UBE4B: variants seen among roughly 807,000 people sequenced by gnomAD.
The protein encoded by UBE4B is ubiquitination factor E4B.
UBE4B carries 27 observed loss-of-function variants against 148.1 expected under a neutral mutation model. The ratio of observed to expected loss-of-function variants is 0.18; its 90% confidence interval spans 0.13 to 0.25. The LOEUF is 0.25. UBE4B is among the 10% of genes least tolerant of loss of function. UBE4B has a pLI of 1.00. For synonymous variants in UBE4B, 596 were observed against 619.3 expected (o/e 0.96, Z 0.56); for missense variants, 1,170 against 1,662.4 (o/e 0.70, Z 5.15).
intron 21 of UBE4B, among the ~76,000 whole-genome samples, chr1:10,154,723 T>C (rs2101995855): frequency 6.6e-6 from 1 of 152,042 alleles, no homozygotes; most frequent in Non-Finnish European, 1.5e-5. Context: ...ACACCTATAG[T>C]CCCAGCTTCT....
In UBE4B at chr1:10,155,084, A is replaced by T. The variant is rs12119603; in HGVS notation, c.2927-3272A>T. 9.4e-3 allele frequency among the ~76,000 whole-genome samples: 1,381 copies of T among 146,276 alleles called. 22 individuals carry two copies. The highest frequency in any genetic ancestry group is 0.028 in the African/African-American group (1,124 of 39,614). On this transcript the variant is annotated intron_variant, in intron 21 of 27. Transcript: ENST00000343090. ...CTTCAGGAGAGAGAGAGAGAGAGAG[A>T]GTGTGTGTGTGTGTGTGTGTGTGTG...
chr1:10,124,226 G>A (rs60413811), intron 10 of UBE4B, among the ~76,000 whole-genome samples: 4,008 of 150,220 alleles, frequency 0.027, 165 homozygotes, highest in African/African-American at 0.093. Flanking sequence ...CAGTGGCGCC[G>A]TCTCAGCTCA....
In UBE4B at chr1:10,180,014, G is replaced by C; in HGVS notation, c.*58G>C. ...GCCAAGGCCAACGAGGCAAGCAGAAGCAGCGGCCGCAGCGAAGCTGCCGTT... is the reference window on the plus strand; with the variant it reads ...GCCAAGGCCAACGAGGCAAGCAGAACCAGCGGCCGCAGCGAAGCTGCCGTT... On this transcript the variant is annotated 3_prime_UTR_variant, in exon 28 of 28. Transcript: ENST00000343090. The C allele has an allele frequency of 6.2e-7, 1 of 1,605,946 alleles. No individual in the cohort carries two copies. Among genetic ancestry groups the C allele is most frequent in the Non-Finnish European group, 8.5e-7 (1 of 1,175,454 alleles).
At chr1:10,173,790 G>A (rs1329027060) in intron 25 of UBE4B, among the ~76,000 whole-genome samples, 2 of 152,184 alleles carry the variant, frequency 1.3e-5, no homozygotes, top group African/African-American at 4.8e-5. Context: ...CCACATCACA[G>A]GCGCTTAACG....
chr1:10,171,466 C>A, intron 25 of UBE4B, 137 bp downstream of exon 25: 1 of 1,122,190 alleles, frequency 8.9e-7, no homozygotes, highest in Non-Finnish European at 1.3e-6. Context: ...CAGATTTGGG[C>A]TGGGCGCGGT....
chr1:10,136,936 T>C (rs1645695402), intron 16 of UBE4B, 131 bp from the exon 17 acceptor site: 2 of 1,047,440 alleles, frequency 1.9e-6, no homozygotes. Flanking sequence ...AATAAATAAA[T>C]AAATAAACAA....
intron 2 of UBE4B, among the ~76,000 whole-genome samples, chr1:10,090,234 C>A (rs536026488): frequency 6.6e-6 from 1 of 152,124 alleles, no homozygotes; most frequent in Non-Finnish European, 1.5e-5. Context: ...ACCCACCCCC[C>A]TCAGCTTCCT....
chr1:10,066,493 A>G (rs1382041163), intron 1 of UBE4B, among the ~76,000 whole-genome samples: 2 of 151,996 alleles, frequency 1.3e-5, no homozygotes, highest in Non-Finnish European at 2.9e-5. Context: ...TTGGATGTAA[A>G]TGCATTTTTT....
intron 22 of UBE4B, 74 bp downstream of exon 22, chr1:10,158,556 C>T (rs1646110420): frequency 6.4e-7 from 1 of 1,556,728 alleles, no homozygotes; most frequent in African/African-American, 1.4e-5. Context: ...TAAAAGCATG[C>T]ACAGCTGGGT....
At chr1:10,140,471 A>G (rs1367130408) in intron 17 of UBE4B, among the ~76,000 whole-genome samples, 1 of 152,214 alleles carries the variant, frequency 6.6e-6, no homozygotes, top group Non-Finnish European at 1.5e-5. Context: ...TTTTCTGTTC[A>G]AGTTTTCCTT....
chr1:10,078,465 T>C (rs1189887566), intron 2 of UBE4B, among the ~76,000 whole-genome samples: 1 of 152,214 alleles, frequency 6.6e-6, no homozygotes, highest in African/African-American at 2.4e-5. Flanking sequence ...CTGTTTAATA[T>C]CTGTGTTTAT....
chr1:10,126,893 T>C lies in UBE4B; in HGVS notation c.1638+16T>C, dbSNP rs1363869173. 1.1e-5 allele frequency: 18 copies of C among 1,603,460 alleles called. No homozygotes were observed. The highest frequency in any genetic ancestry group is 1.5e-5 in the Non-Finnish European group (17 of 1,170,964). ...CCCCCTCATGGTAAAACTTTGTTCT[T>C]TTTCTTTAACTCATTCAATAGATGT... On this transcript the variant is annotated intron_variant, in intron 11 of 27. Transcript: ENST00000343090.
At chr1:10,072,327 T>A in intron 2 of UBE4B, 113 bp downstream of exon 2, 1 of 1,266,746 alleles carries the variant, frequency 7.9e-7, no homozygotes, top group Non-Finnish European at 1.1e-6. Context: ...ATCAGCTCTT[T>A]AAAATCCTCC....
chr1:10,127,650 G>A (rs1445317362), intron 11 of UBE4B, among the ~76,000 whole-genome samples: 1 of 152,192 alleles, frequency 6.6e-6, no homozygotes, highest in East Asian at 1.9e-4. Flanking sequence ...TGAGACCATG[G>A]TTGTTTTTCT....
At chr1:10,065,004 T>G (rs1037423590) in intron 1 of UBE4B, among the ~76,000 whole-genome samples, 1 of 152,134 alleles carries the variant, frequency 6.6e-6, no homozygotes, top group African/African-American at 2.4e-5. Context: ...CCTCAAGTGA[T>G]CCACCCGCCT....
intron 7 of UBE4B, chr1:10,107,164 C>T (rs1645126567): frequency 1.6e-6 from 2 of 1,286,020 alleles, no homozygotes; most frequent in Non-Finnish European, 1.0e-6. Context: ...GCAAAAGCTT[C>T]TCCCCGTCTT....
intron 1 of UBE4B, among the ~76,000 whole-genome samples, chr1:10,060,959 C>T (rs1042247837): frequency 3.3e-5 from 5 of 151,932 alleles, no homozygotes; most frequent in Admixed American, 3.3e-4. Flanking sequence ...CTGCTCAGGC[C>T]GGTCTTGAGC....
At chr1:10,179,671 C>A in intron 27 of UBE4B, 109 bp downstream of exon 27, 1 of 1,537,440 alleles carries the variant, frequency 6.5e-7, no homozygotes, top group Non-Finnish European at 8.8e-7. Flanking sequence ...AATGCAGAAA[C>A]TACCTACTTT....
Position 10,121,936 on chromosome 1 carries a change from C to G in UBE4B, c.1440-26C>G, listed in dbSNP as rs369937523. 5 of 1,522,756 alleles carry G rather than the reference C, an allele frequency of 3.3e-6. No homozygotes were observed. The Admixed American group carries it at 9.0e-5, about 27-fold the overall frequency. The allele number at this position is 1,522,756 out of a possible 1,614,324, so 94.3% of individuals were successfully genotyped here. ...CTCTGTAGTGAGTTGACTTCATCAC[C>G]GTCCCTAATGTTCATGGGTCCACAG... On this transcript the variant is annotated intron_variant, in intron 9 of 27. Coordinates refer to ENST00000343090, the MANE Select transcript of UBE4B (RefSeq NM_001105562.3).
Sources: gnomAD v4.1 joint callset for allele counts (sites outside exome capture counted in the v4.1 genomes callset) on GRCh38, gnomAD v4.1.1 for gene constraint, MANE v1.5 for transcripts, NCBI Gene and HGNC (gene_info 2026-07-23, HGNC 2026-07-21) for gene names.